The following TMCO4 variants were observed in gnomAD, a reference collection of about 807,000 sequenced individuals.
The protein encoded by TMCO4 is transmembrane and coiled-coil domain-containing protein 4.
In TMCO4, 58 loss-of-function variants were observed where a neutral mutation model predicts 64.7. That is an observed-to-expected ratio of 0.90 (90% CI 0.73 to 1.12). TMCO4 has a LOEUF of 1.12. Ranked by LOEUF, TMCO4 falls within the 50% of genes most tolerant of loss-of-function variation. The pLI is 0.00. For missense variants in TMCO4, 780 were observed against 825.9 expected (o/e 0.94, Z 0.68); for synonymous variants, 325 against 346.1 (o/e 0.94, Z 0.68).
intron 15 of TMCO4, among the ~76,000 whole-genome samples, chr1:19,685,833 C>T (rs1005755226): frequency 9.3e-5 from 14 of 150,206 alleles, no homozygotes; most frequent in African/African-American, 3.4e-4. Context: ...CCTGTCTCAG[C>T]CTCCCGAGTA....
intron 4 of TMCO4, among the ~76,000 whole-genome samples, chr1:19,772,618 G>T (rs1028081101): frequency 6.6e-6 from 1 of 152,154 alleles, no homozygotes; most frequent in African/African-American, 2.4e-5. Context: ...CTTAGAAGTC[G>T]ATTATACCAC....
chr1:19,687,327 T>G (rs1214296034), intron 15 of TMCO4, among the ~76,000 whole-genome samples: 1 of 152,154 alleles, frequency 6.6e-6, no homozygotes, highest in African/African-American at 2.4e-5. Context: ...GCTCAAGAGA[T>G]CCTCCTGCTT....
At chr1:19,767,327 C>T (rs1026201876) in intron 6 of TMCO4, among the ~76,000 whole-genome samples, 5 of 152,280 alleles carry the variant, frequency 3.3e-5, no homozygotes, top group Admixed American at 1.3e-4. Flanking sequence ...CAGCATTTAA[C>T]GAGTGCTGAA....
Position 19,734,382 on chromosome 1 carries a change from G to A in TMCO4, c.1264+2990C>T, listed in dbSNP as rs1336681923. Among the ~76,000 whole-genome samples, 1 of 152,166 alleles carries A rather than the reference G, an allele frequency of 6.6e-6. No homozygotes were observed. The highest frequency in any genetic ancestry group is 1.9e-4 in the East Asian group (1 of 5,192). On this transcript the variant is annotated intron_variant, in intron 13 of 15. Transcript: ENST00000294543. This position sits in a 1 kb window ranked among gnomAD's most constrained non-coding sequence, Gnocchi z 4.4. ...GATGCGTGTATGAATGTGTGCAGGT[G>A]TGTGTGTGAGTGTGCATATGTGCGC...
In TMCO4 at chr1:19,683,035, T is replaced by C; in HGVS notation, c.*5A>G. On this transcript the variant is annotated 3_prime_UTR_variant, in exon 16 of 16. Coordinates refer to ENST00000294543, the MANE Select transcript of TMCO4 (RefSeq NM_181719.7). ...GGGGAAGACGGCTCAGGTCCCCTGC[T>C]GTGGTCAGTCCAGCCCCGTGCTGGG... is the stretch of plus-strand genomic sequence containing the variant. 1 of 1,555,170 alleles carries C rather than the reference T, an allele frequency of 6.4e-7. No individual in the cohort carries two copies. Among genetic ancestry groups the C allele is most frequent in the Non-Finnish European group, 8.7e-7 (1 of 1,154,368 alleles).
At chr1:19,764,386 T>C (rs1475778954) in intron 6 of TMCO4, among the ~76,000 whole-genome samples, 2 of 152,146 alleles carry the variant, frequency 1.3e-5, no homozygotes, top group African/African-American at 4.8e-5. Context: ...AACGAATTGG[T>C]TCCTATAAAG....
At position 19,693,164 on chromosome 1, in the gene TMCO4, C is replaced by CACAAAAAAAA. The variant is rs746759726; in HGVS notation, c.1500+1269_1500+1270insTTTTTTTTGT. ...CTCCAGCCTGAGCGAGACCCCATCT[C>CACAAAAAAAA]AAAAAAAAAAAAAAAAAAAAAAAAA... On this transcript the variant is annotated intron_variant, in intron 15 of 15. Coordinates refer to ENST00000294543, the MANE Select transcript of TMCO4 (RefSeq NM_181719.7). Among the ~76,000 whole-genome samples the CACAAAAAAAA allele has an allele frequency of 1.5e-4, 3 of 19,980 alleles. 1 individual carries two copies. Among genetic ancestry groups the CACAAAAAAAA allele is most frequent in the Non-Finnish European group, 2.2e-4 (2 of 9,054 alleles). 13.1% of individuals were successfully genotyped at this position (19,980 alleles called of 152,430 possible).
At chr1:19,721,833 A>C (rs1343231235) in intron 13 of TMCO4, among the ~76,000 whole-genome samples, 1 of 151,988 alleles carries the variant, frequency 6.6e-6, no homozygotes, top group African/African-American at 2.4e-5. Flanking sequence ...ACACACACAC[A>C]CACGTTTTGG....
chr1:19,691,153 TCA>T (rs1430166245), intron 15 of TMCO4, among the ~76,000 whole-genome samples: 2 of 152,046 alleles, frequency 1.3e-5, no homozygotes, highest in African/African-American at 2.4e-5. Context: ...CAGGCGTGAG[TCA>T]CTGCACCCGG....
chr1:19,691,488 C>T (rs1044539917), intron 15 of TMCO4, among the ~76,000 whole-genome samples: 7 of 152,152 alleles, frequency 4.6e-5, no homozygotes, highest in Non-Finnish European at 8.8e-5. Flanking sequence ...CAATAATTCC[C>T]CCATGTTATC....
At chr1:19,767,277 T>C (rs1179912004) in intron 6 of TMCO4, among the ~76,000 whole-genome samples, 2 of 152,178 alleles carry the variant, frequency 1.3e-5, no homozygotes, top group Non-Finnish European at 2.9e-5. Context: ...GCTGTGAGGA[T>C]GAAATGAAAC....
chr1:19,717,414 C>T (rs2095361812), intron 13 of TMCO4, among the ~76,000 whole-genome samples: 1 of 152,144 alleles, frequency 6.6e-6, no homozygotes, highest in African/African-American at 2.4e-5. Context: ...TCACAGGAGA[C>T]ATTTGCTGGC....
intron 13 of TMCO4, among the ~76,000 whole-genome samples, chr1:19,727,039 C>T (rs779987901): frequency 6.6e-6 from 1 of 152,140 alleles, no homozygotes; most frequent in African/African-American, 2.4e-5. Flanking sequence ...TCTAGGATGA[C>T]GCATGGTAGA....
intron 2 of TMCO4, among the ~76,000 whole-genome samples, chr1:19,795,173 T>TA (rs35761504): frequency 0.027 from 3,915 of 147,402 alleles, 87 homozygotes; most frequent in African/African-American, 0.055. Flanking sequence ...ATTTTTACCT[T>TA]AAAAAAAAAA....
chr1:19,700,741 C>T, intron 14 of TMCO4, 27 bp downstream of exon 14: 1 of 1,589,202 alleles, frequency 6.3e-7, no homozygotes, highest in Non-Finnish European at 8.6e-7. Context: ...ATTGTCACTT[C>T]CCCGCTGGCA....
At chr1:19,695,138 G>T (rs149605707) in intron 14 of TMCO4, among the ~76,000 whole-genome samples, 1 of 152,310 alleles carries the variant, frequency 6.6e-6, no homozygotes, top group Non-Finnish European at 1.5e-5. Context: ...GAGGGTGGTT[G>T]TCCAGGCAGT....
At chr1:19,698,527 C>G (rs774772372) in intron 14 of TMCO4, among the ~76,000 whole-genome samples, 1 of 152,234 alleles carries the variant, frequency 6.6e-6, no homozygotes, top group Non-Finnish European at 1.5e-5. Context: ...GTAAATTACA[C>G]ATGAGTAAAC....
At chr1:19,725,373 A>G (rs2095404368) in intron 13 of TMCO4, among the ~76,000 whole-genome samples, 1 of 152,224 alleles carries the variant, frequency 6.6e-6, no homozygotes, top group Non-Finnish European at 1.5e-5. Context: ...AAATAACCTG[A>G]AGCAGCAATT....
Position 19,743,667 on chromosome 1 carries a change from G to T in TMCO4, c.877+1865C>A, listed in dbSNP as rs1300524584. Among the ~76,000 whole-genome samples the T allele has an allele frequency of 6.6e-6, 1 of 152,152 alleles. No homozygotes were observed. Among genetic ancestry groups the T allele is most frequent in the Non-Finnish European group, 1.5e-5 (1 of 68,004 alleles). On this transcript the variant is annotated intron_variant, in intron 10 of 15. Transcript: ENST00000294543. The surrounding 1 kb of genome is among the most constrained non-coding windows in gnomAD (Gnocchi z 4.1). ...GGGGGCAAAATGAAGAAAGGAGTTT[G>T]CTTTCCATGCCGGCCAGACTTGCAA...
Sources: allele counts gnomAD v4.1 joint callset (sites outside exome capture counted in the v4.1 genomes callset), GRCh38; gene constraint gnomAD v4.1.1; non-coding constraint Gnocchi (gnomAD v3.1); transcripts MANE v1.5; gene names NCBI Gene and HGNC (gene_info 2026-07-23, HGNC 2026-07-21).